BRWD3: variants seen among roughly 807,000 people sequenced by gnomAD.
BRWD3 encodes bromodomain and WD repeat-containing protein 3.
BRWD3 carries 10 observed loss-of-function variants against 149.7 expected under a neutral mutation model. That is an observed-to-expected ratio of 0.07 (90% CI 0.04 to 0.11). The LOEUF (loss-of-function observed/expected upper bound fraction) is 0.11. Ranked by LOEUF, BRWD3 falls within the 10% of genes least tolerant of loss-of-function variation. BRWD3 has a pLI of 1.00. For missense variants in BRWD3, 940 were observed against 1,373.2 expected (o/e 0.68, Z 4.99); for synonymous variants, 504 against 456.7 (o/e 1.10, Z -1.32).
At chrX:80,805,767 C>T (rs2074343042) in intron 4 of BRWD3, among the ~76,000 whole-genome samples, 2 of 111,298 alleles carry the variant, frequency 1.8e-5, no homozygotes, top group African/African-American at 6.5e-5. Context: ...AACCCCGTCT[C>T]TACTAAAAAA....
chrX:80,756,597 T>C (rs768308564), intron 6 of BRWD3, among the ~76,000 whole-genome samples: 5 of 110,461 alleles, frequency 4.5e-5, no homozygotes, highest in Non-Finnish European at 7.6e-5. Context: ...GATTCTTGCT[T>C]TACTTACTAC....
intron 24 of BRWD3, among the ~76,000 whole-genome samples, chrX:80,701,405 G>A (rs762409611): frequency 5.8e-4 from 62 of 106,986 alleles, no homozygotes; most frequent in African/African-American, 2.0e-3. Flanking sequence ...AAAATTCACC[G>A]GGCGTGGTGG....
chrX:80,746,225 A>G (rs2073591221), intron 6 of BRWD3, among the ~76,000 whole-genome samples: 1 of 110,778 alleles, frequency 9.0e-6, no homozygotes, highest in Non-Finnish European at 1.9e-5. Context: ...CTATACAGTG[A>G]AAAGATAAGG....
chrX:80,750,472 A>C (rs1320021315), intron 6 of BRWD3, among the ~76,000 whole-genome samples: 3 of 111,612 alleles, frequency 2.7e-5, no homozygotes, highest in Admixed American at 9.5e-5. Flanking sequence ...GATATACGAA[A>C]AAATGCTCAA....
chrX:80,809,394 G>A (rs1414530080), intron 1 of BRWD3, 47 bp downstream of exon 1: 1 of 1,115,003 alleles, frequency 9.0e-7, no homozygotes, highest in Non-Finnish European at 1.2e-6. Flanking sequence ...TTCGCGCTAA[G>A]CCCCCATTCC....
At chrX:80,712,606 G>T (rs1381158538) in intron 20 of BRWD3, among the ~76,000 whole-genome samples, 44 of 109,838 alleles carry the variant, frequency 4.0e-4, no homozygotes, top group Non-Finnish European at 7.8e-4. Context: ...CTGCCTGGCT[G>T]CCCATCGTCT....
chrX:80,682,422 A>G (rs756460530), intron 38 of BRWD3, 43 bp downstream of exon 38: 8 of 1,181,457 alleles, frequency 6.8e-6, no homozygotes, highest in Non-Finnish European at 9.2e-6. Flanking sequence ...AATACATACA[A>G]AATGCTTTGA....
intron 28 of BRWD3, 121 bp downstream of exon 28, chrX:80,692,819 G>T (rs983589133): frequency 1.8e-5 from 10 of 559,659 alleles, no homozygotes; most frequent in Non-Finnish European, 3.1e-5. Flanking sequence ...TTCTTTACAG[G>T]TACAGGTATT....
At position 80,809,759 on chromosome X, in the gene BRWD3, A is replaced by AAG. The variant is rs1204009468; in HGVS notation, c.-290_-289dup. ...AGAAGAGAGAGAGAGAGAGAGGAAA[A>AAG]AGAGAGAGAGAGAGAGAGAGAGAGA... is the stretch of plus-strand genomic sequence containing the variant. On this transcript the variant is annotated 5_prime_UTR_variant, in exon 1 of 41. Transcript: ENST00000373275. The AAG allele has an allele frequency of 0.011, 203 of 19,219 alleles. 9 individuals carry two copies. The highest frequency in any genetic ancestry group is 0.032 in the African/African-American group (82 of 2,544). The allele number at this position is 19,219 out of a possible 1,213,427, so 1.6% of individuals were successfully genotyped here. A position where few individuals can be genotyped will look rare whatever the true frequency, so the allele number is the denominator to read the frequency against.
At chrX:80,787,404 C>A (rs1309028095) in intron 6 of BRWD3, among the ~76,000 whole-genome samples, 2 of 110,685 alleles carry the variant, frequency 1.8e-5, no homozygotes, top group African/African-American at 3.3e-5. Context: ...ACAGAAAAAC[C>A]AAAACAATTT....
chrX:80,712,439 G>C (rs1411342307), intron 20 of BRWD3, among the ~76,000 whole-genome samples: 1 of 110,782 alleles, frequency 9.0e-6, no homozygotes, highest in African/African-American at 3.3e-5. Context: ...ACGGAGTCTC[G>C]TTCACTCAGT....
intron 23 of BRWD3, 26 bp from the exon 24 acceptor site, chrX:80,703,619 T>C: frequency 9.4e-7 from 1 of 1,062,456 alleles, no homozygotes; most frequent in Non-Finnish European, 1.3e-6. Flanking sequence ...ACGAAAAGTA[T>C]ATGTATAAAA....
intron 4 of BRWD3, among the ~76,000 whole-genome samples, chrX:80,807,071 T>C (rs2074355244): frequency 8.9e-6 from 1 of 112,399 alleles, no homozygotes; most frequent in Admixed American, 9.4e-5. Flanking sequence ...ATTAAAACTA[T>C]ATATAAAAAC....
At chrX:80,714,588 T>C (rs979727881) in intron 20 of BRWD3, among the ~76,000 whole-genome samples, 3 of 111,869 alleles carry the variant, frequency 2.7e-5, no homozygotes, top group Middle Eastern at 4.6e-3. Flanking sequence ...GATTGATGTC[T>C]TATGTATCCC....
chrX:80,750,498 G>C (rs2073651306), intron 6 of BRWD3, among the ~76,000 whole-genome samples: 1 of 111,264 alleles, frequency 9.0e-6, no homozygotes, highest in Admixed American at 9.6e-5. Context: ...CCAGTCATCA[G>C]GGACATGCAA....
intron 20 of BRWD3, among the ~76,000 whole-genome samples, chrX:80,715,680 C>T (rs768388916): frequency 8.9e-6 from 1 of 112,163 alleles, no homozygotes; most frequent in South Asian, 3.7e-4. Flanking sequence ...ATCTCTGTTA[C>T]AACTATTCAA....
chrX:80,692,232 T>A lies in BRWD3; in HGVS notation c.3264-82A>T, dbSNP rs185081878. On this transcript the variant is annotated intron_variant, in intron 28 of 40. Coordinates refer to ENST00000373275, the MANE Select transcript of BRWD3 (RefSeq NM_153252.5). ...TACTACCACAATTTTACATGACTTC[T>A]TGGGGGTGAAATTTGAAAAAGGGCA... The A allele has an allele frequency of 1.6e-4, 142 of 913,747 alleles. 1 individual carries two copies. In the African/African-American group the frequency reaches 2.5e-3, roughly 16 times the overall value. 75.3% of individuals were successfully genotyped at this position (913,747 alleles called of 1,213,427 possible).
rs758454244 is a variant in BRWD3 at position 80,798,393 on chromosome X, G to GT, written c.181-4622dup. Among the ~76,000 whole-genome samples, 737 of 106,243 alleles carry GT rather than the reference G, an allele frequency of 6.9e-3. 3 individuals carry two copies. Among genetic ancestry groups the GT allele is most frequent in the Middle Eastern group, 9.7e-3 (2 of 207 alleles). The allele number at this position is 106,243 out of a possible 115,157, so 92.3% of individuals were successfully genotyped here. The stretch of plus-strand genomic sequence containing the variant: ...AAAATAAGAACTCTTACCCCGAATA[G>GT]TTTTTTTTTTACATTTTTAAATAAA... On this transcript the variant is annotated intron_variant, in intron 4 of 40. Coordinates refer to ENST00000373275, the MANE Select transcript of BRWD3 (RefSeq NM_153252.5).
chrX:80,695,409 A>G (rs1299390179), intron 27 of BRWD3, among the ~76,000 whole-genome samples: 3 of 112,018 alleles, frequency 2.7e-5, no homozygotes, highest in South Asian at 3.7e-4. Context: ...TATGTTCTGT[A>G]TTGTATTGTT....
Sources: allele counts gnomAD v4.1 joint callset (sites outside exome capture counted in the v4.1 genomes callset), GRCh38; gene constraint gnomAD v4.1.1; transcripts MANE v1.5; gene names NCBI Gene and HGNC (gene_info 2026-07-23, HGNC 2026-07-21).